Variants in ENTREP2 observed in about 807,000 individuals in gnomAD.
The protein encoded by ENTREP2 is endosomal transmembrane epsin interactor 2.
chr15:29,325,631 G>C, the ENTREP2 span, among the ~76,000 whole-genome samples: 17,701 of 152,082 alleles, frequency 0.12, 3,362 homozygotes, highest in African/African-American at 0.4. Flanking sequence ...AAAGAAAGCA[G>C]CAGGCCCAGG....
At chr15:29,387,638 C>A in the ENTREP2 span, among the ~76,000 whole-genome samples, 1 of 152,012 alleles carries the variant, frequency 6.6e-6, no homozygotes, top group Non-Finnish European at 1.5e-5. Context: ...TCATATGGAA[C>A]CAAAAAAGAG....
the ENTREP2 span, among the ~76,000 whole-genome samples, chr15:29,631,936 G>T: frequency 6.6e-6 from 1 of 152,158 alleles, no homozygotes; most frequent in Non-Finnish European, 1.5e-5. Flanking sequence ...TAGGAGTCTA[G>T]ACTCTCCTTT....
the ENTREP2 span, among the ~76,000 whole-genome samples, chr15:29,611,678 T>C: frequency 2.0e-5 from 3 of 152,036 alleles, no homozygotes; most frequent in African/African-American, 7.2e-5. Context: ...TCCAGTGTCA[T>C]CTCAAGTGGC....
chr15:29,549,970 T>C, the ENTREP2 span, among the ~76,000 whole-genome samples: 1 of 152,240 alleles, frequency 6.6e-6, no homozygotes. Context: ...CTGAGGTGAA[T>C]GAAGGAGAAA....
chr15:29,512,838 G>A, the ENTREP2 span, among the ~76,000 whole-genome samples: 1 of 152,182 alleles, frequency 6.6e-6, no homozygotes, highest in Non-Finnish European at 1.5e-5. Context: ...CATCTCTAGT[G>A]ATTATAACTG....
chr15:29,559,880 G>A, the ENTREP2 span, among the ~76,000 whole-genome samples: 1 of 152,152 alleles, frequency 6.6e-6, no homozygotes, highest in African/African-American at 2.4e-5. Context: ...ACTTCTCTGG[G>A]GGACCACAGT....
chr15:29,625,660 G>A, the ENTREP2 span, among the ~76,000 whole-genome samples: 1 of 151,566 alleles, frequency 6.6e-6, no homozygotes, highest in East Asian at 2.0e-4. Context: ...CTCCCAAAGT[G>A]CTGGGATTAC....
At chr15:29,330,707 G>C in the ENTREP2 span, among the ~76,000 whole-genome samples, 1 of 151,992 alleles carries the variant, frequency 6.6e-6, no homozygotes, top group East Asian at 1.9e-4. Context: ...AAAAACATTA[G>C]GTAAAAACTA....
the ENTREP2 span, among the ~76,000 whole-genome samples, chr15:29,631,947 G>A: frequency 6.6e-6 from 1 of 152,164 alleles, no homozygotes; most frequent in Non-Finnish European, 1.5e-5. Context: ...ACTCTCCTTT[G>A]AGACTTCACT....
At chr15:29,244,672 T>C in the ENTREP2 span, among the ~76,000 whole-genome samples, 3 of 152,270 alleles carry the variant, frequency 2.0e-5, no homozygotes, top group East Asian at 5.8e-4. Flanking sequence ...AAACAACTGA[T>C]GGAAAAGTGA....
the ENTREP2 span, among the ~76,000 whole-genome samples, chr15:29,659,504 C>T: frequency 6.6e-6 from 1 of 151,898 alleles, no homozygotes; most frequent in Admixed American, 6.6e-5. Context: ...TAATAATACA[C>T]CCAGAAAACC....
the ENTREP2 span, among the ~76,000 whole-genome samples, chr15:29,623,286 G>C: frequency 1.3e-5 from 2 of 152,102 alleles, no homozygotes. Flanking sequence ...GTCCTGAGTG[G>C]GCTCAAGTTC....
chr15:29,615,180 G>A, the ENTREP2 span, among the ~76,000 whole-genome samples: 3 of 150,482 alleles, frequency 2.0e-5, 1 homozygote, highest in South Asian at 4.2e-4. Flanking sequence ...TTTTGAGACG[G>A]AGTCTCCCTC....
At chr15:29,396,381 G>T in the ENTREP2 span, among the ~76,000 whole-genome samples, 14,733 of 151,418 alleles carry the variant, frequency 0.097, 911 homozygotes, top group African/African-American at 0.15. Context: ...TTCTGTGTCT[G>T]GCTAATTTCA....
At chr15:29,274,533 A>G in the ENTREP2 span, among the ~76,000 whole-genome samples, 1 of 152,230 alleles carries the variant, frequency 6.6e-6, no homozygotes, top group Non-Finnish European at 1.5e-5. Context: ...CTCCAAGTCA[A>G]CAAAATGAGG....
the ENTREP2 span, among the ~76,000 whole-genome samples, chr15:29,555,837 C>T: frequency 2.0e-5 from 3 of 152,202 alleles, no homozygotes; most frequent in Non-Finnish European, 4.4e-5. Flanking sequence ...CAGAGTCAGA[C>T]ACACTCCTGT....
the ENTREP2 span, among the ~76,000 whole-genome samples, chr15:29,158,134 C>T: frequency 6.6e-6 from 1 of 152,202 alleles, no homozygotes; most frequent in African/African-American, 2.4e-5. Flanking sequence ...AAATGAATGC[C>T]TTTCTACAAA....
chr15:29,255,496 G>A, the ENTREP2 span, among the ~76,000 whole-genome samples: 4 of 152,048 alleles, frequency 2.6e-5, no homozygotes, highest in Non-Finnish European at 2.9e-5. Flanking sequence ...ACGACCATTC[G>A]ACCCAGCAAT....
the ENTREP2 span, among the ~76,000 whole-genome samples, chr15:29,627,352 G>A: frequency 6.6e-6 from 1 of 152,000 alleles, no homozygotes; most frequent in African/African-American, 2.4e-5. Flanking sequence ...AGACCATCCT[G>A]GGCAACATGG....
Sources: gnomAD v4.1 joint callset for allele counts (sites outside exome capture counted in the v4.1 genomes callset) on GRCh38, gnomAD v4.1.1 for gene constraint, MANE v1.5 for transcripts, NCBI Gene and HGNC (gene_info 2026-07-23, HGNC 2026-07-21) for gene names.